The following BAZ2B variants were observed in gnomAD, a reference collection of about 807,000 sequenced individuals.
BAZ2B encodes bromodomain adjacent to zinc finger domain protein 2B.
BAZ2B carries 91 observed loss-of-function variants against 246.0 expected under a neutral mutation model. That is an observed-to-expected ratio of 0.37 (90% confidence interval 0.31 to 0.44). BAZ2B has a LOEUF of 0.44. Ranked by LOEUF, BAZ2B falls within the 20% of genes least tolerant of loss-of-function variation. The pLI, the probability that BAZ2B is intolerant of heterozygous loss-of-function variation, is 1.00. For missense variants in BAZ2B, 2,332 were observed against 2,533.7 expected (o/e 0.92, Z 1.71); for synonymous variants, 855 against 860.0 (o/e 0.99, Z 0.10).
chr2:159,588,063 A>C (rs1389907393), intron 1 of BAZ2B, among the ~76,000 whole-genome samples: 2 of 151,876 alleles, frequency 1.3e-5, no homozygotes, highest in South Asian at 4.2e-4. Context: ...ACACGGTGGC[A>C]TGTGTCTGTA....
chr2:159,562,850 G>C (rs779374791), intron 1 of BAZ2B, among the ~76,000 whole-genome samples: 1 of 152,038 alleles, frequency 6.6e-6, no homozygotes, highest in African/African-American at 2.4e-5. Flanking sequence ...CAAATTGACA[G>C]ATAATTTGAC....
At chr2:159,692,915 CCT>C in the BAZ2B span, among the ~76,000 whole-genome samples, 1 of 152,152 alleles carries the variant, frequency 6.6e-6, no homozygotes, top group Non-Finnish European at 1.5e-5. Flanking sequence ...CTCAAGCCAT[CCT>C]CCTTTCTCAG....
chr2:159,336,727 G>A (rs2065733736), intron 33 of BAZ2B, among the ~76,000 whole-genome samples: 1 of 152,116 alleles, frequency 6.6e-6, no homozygotes, highest in African/African-American at 2.4e-5. Context: ...TTCAAAGGAG[G>A]CAGAAGCAAG....
intron 19 of BAZ2B, 47 bp from the exon 20 acceptor site, chr2:159,395,881 A>G (rs62171538): frequency 0.046 from 70,109 of 1,509,302 alleles, 2,271 homozygotes; most frequent in Middle Eastern, 0.11. Context: ...CACAATTAAC[A>G]GTTTGATTTT....
chr2:159,493,680 A>C (rs1171497615), intron 2 of BAZ2B, among the ~76,000 whole-genome samples: 1 of 152,206 alleles, frequency 6.6e-6, no homozygotes, highest in Non-Finnish European at 1.5e-5. Context: ...TATTCACTTA[A>C]AAGCTTAAAC....
the BAZ2B span, among the ~76,000 whole-genome samples, chr2:159,653,952 T>C: frequency 6.6e-6 from 1 of 152,016 alleles, no homozygotes; most frequent in Non-Finnish European, 1.5e-5. Context: ...ATTTAAAAGA[T>C]TCACTGGAAT....
intron 1 of BAZ2B, among the ~76,000 whole-genome samples, chr2:159,607,476 G>A (rs1280805149): frequency 1.3e-5 from 2 of 152,052 alleles, no homozygotes; most frequent in African/African-American, 2.4e-5. Flanking sequence ...GTTTTAACCC[G>A]GCCTTCACAA....
downstream of BAZ2B, among the ~76,000 whole-genome samples, chr2:159,317,710 T>C (rs2062257120): frequency 6.6e-6 from 1 of 152,210 alleles, no homozygotes; most frequent in African/African-American, 2.4e-5. Flanking sequence ...GGAAAATATG[T>C]TGTATATACT....
intron 22 of BAZ2B, 32 bp from the exon 23 acceptor site, chr2:159,385,401 C>T (rs1468320333): frequency 6.4e-7 from 1 of 1,555,930 alleles, no homozygotes; most frequent in Non-Finnish European, 8.8e-7. Flanking sequence ...ATCAGTATTA[C>T]TCACAACCAT....
chr2:159,447,947 T>A (rs761459185), intron 5 of BAZ2B, among the ~76,000 whole-genome samples: 4 of 151,984 alleles, frequency 2.6e-5, no homozygotes, highest in Non-Finnish European at 5.9e-5. Flanking sequence ...ACAGAGACCC[T>A]GTTGCTACAA....
intron 6 of BAZ2B, among the ~76,000 whole-genome samples, chr2:159,441,387 T>C (rs2073356292): frequency 6.6e-6 from 1 of 152,184 alleles, no homozygotes; most frequent in Non-Finnish European, 1.5e-5. Flanking sequence ...GGGCACTTAA[T>C]GTGATTCTGA....
intron 31 of BAZ2B, among the ~76,000 whole-genome samples, chr2:159,342,633 C>T (rs939915467): frequency 6.6e-6 from 1 of 152,038 alleles, no homozygotes; most frequent in Non-Finnish European, 1.5e-5. Context: ...AAAAAGAAAT[C>T]AAGAAGGCAA....
chr2:159,339,206 CCCT>C (rs2066190259), intron 31 of BAZ2B, among the ~76,000 whole-genome samples: 1 of 22,846 alleles, frequency 4.4e-5, no homozygotes, highest in Non-Finnish European at 3.5e-3. Flanking sequence ...GCCTCCAATG[CCCT>C]CCCCGTCCCT....
At chr2:159,490,688 A>ATT (rs148348043) in intron 2 of BAZ2B, among the ~76,000 whole-genome samples, 219 of 149,962 alleles carry the variant, frequency 1.5e-3, no homozygotes, top group Non-Finnish European at 2.3e-3. Context: ...ACACCTGGCT[A>ATT]TTTTTTTTTT....
chr2:159,437,429 AC>A (rs2072584750), intron 8 of BAZ2B: 2 of 150,198 alleles, frequency 1.3e-5, no homozygotes. Context: ...ACAGGGTCTC[AC>A]TATGTTGCAG....
At chr2:159,653,145 T>C in the BAZ2B span, among the ~76,000 whole-genome samples, 137 of 152,156 alleles carry the variant, frequency 9.0e-4, no homozygotes, top group Non-Finnish European at 1.5e-3. Context: ...TTCACCATGT[T>C]GGCCAGGCTA....
At chr2:159,477,566 T>A (rs2078745494) in intron 3 of BAZ2B, among the ~76,000 whole-genome samples, 1 of 152,060 alleles carries the variant, frequency 6.6e-6, no homozygotes, top group Non-Finnish European at 1.5e-5. Flanking sequence ...ATGCATCACA[T>A]TTATGCAAAA....
intron 1 of BAZ2B, among the ~76,000 whole-genome samples, chr2:159,596,468 G>A (rs1238880537): frequency 6.6e-6 from 1 of 152,116 alleles, no homozygotes; most frequent in East Asian, 1.9e-4. Context: ...ATTTATAGCA[G>A]CTAACATAGA....
intron 2 of BAZ2B, among the ~76,000 whole-genome samples, chr2:159,554,545 A>G (rs887604338): frequency 2.0e-5 from 3 of 152,056 alleles, no homozygotes; most frequent in African/African-American, 7.2e-5. Context: ...TTAAAAATAA[A>G]TAAAATTTCT....
Sources: allele counts gnomAD v4.1 joint callset (sites outside exome capture counted in the v4.1 genomes callset), GRCh38; gene constraint gnomAD v4.1.1; transcripts MANE v1.5; gene names NCBI Gene and HGNC (gene_info 2026-07-23, HGNC 2026-07-21).